The following FHIT variants were observed in gnomAD, a reference collection of about 807,000 sequenced individuals.
FHIT encodes the protein fragile histidine triad diadenosine triphosphatase.
FHIT carries 19 observed loss-of-function variants against 17.9 expected under a neutral mutation model. The ratio of observed to expected loss-of-function variants is 1.06; its 90% CI spans 0.74 to 1.56. FHIT has a LOEUF of 1.56. FHIT is among the 40% of genes most tolerant of loss of function. The pLI, the probability that FHIT is intolerant of heterozygous loss-of-function variation, is 0.00. For synonymous variants in FHIT, 81 were observed against 69.7 expected (o/e 1.16, Z -0.81); for missense variants, 248 against 189.2 (o/e 1.31, Z -1.82).
At chr3:60,921,246 C>A (rs1174715480) in intron 3 of FHIT, among the ~76,000 whole-genome samples, 1 of 152,152 alleles carries the variant, frequency 6.6e-6, no homozygotes, top group African/African-American at 2.4e-5. Flanking sequence ...CGTATTGAAC[C>A]ACTCCTTTCA....
chr3:60,673,702 A>T (rs1398200802), intron 4 of FHIT, among the ~76,000 whole-genome samples: 1 of 152,178 alleles, frequency 6.6e-6, no homozygotes, highest in Non-Finnish European at 1.5e-5. Context: ...ATTTAAATTT[A>T]AAAAAAGAAT....
intron 8 of FHIT, among the ~76,000 whole-genome samples, chr3:59,833,522 C>T (rs1701236999): frequency 1.3e-5 from 2 of 152,130 alleles, no homozygotes; most frequent in Non-Finnish European, 2.9e-5. Flanking sequence ...CTACCAACAC[C>T]ACAACTTCAG....
chr3:61,168,118 T>C (rs1020783778), intron 2 of FHIT, among the ~76,000 whole-genome samples: 4 of 152,228 alleles, frequency 2.6e-5, no homozygotes, highest in African/African-American at 4.8e-5. Context: ...AAAAGAATTA[T>C]GTTTCATGAC....
intron 8 of FHIT, among the ~76,000 whole-genome samples, chr3:59,785,120 T>C (rs1378918110): frequency 1.3e-5 from 2 of 152,070 alleles, no homozygotes; most frequent in East Asian, 1.9e-4. Context: ...GAGGATGGCA[T>C]CAAGGGGATT....
At chr3:59,956,081 G>T (rs1258386638) in intron 7 of FHIT, among the ~76,000 whole-genome samples, 2 of 152,206 alleles carry the variant, frequency 1.3e-5, no homozygotes, top group Admixed American at 6.5e-5. Flanking sequence ...TCATTTGGCT[G>T]CATTTCTACT....
At chr3:60,754,777 A>G (rs376164694) in intron 4 of FHIT, among the ~76,000 whole-genome samples, 2 of 152,306 alleles carry the variant, frequency 1.3e-5, no homozygotes, top group East Asian at 3.9e-4. Flanking sequence ...TTCTACACTC[A>G]TAGGCACACA....
chr3:60,560,754 G>A (rs1474928561), intron 4 of FHIT, among the ~76,000 whole-genome samples: 1 of 150,296 alleles, frequency 6.7e-6, no homozygotes, highest in Non-Finnish European at 1.5e-5. Flanking sequence ...TCCTCCACTG[G>A]CATGTTGTCA....
chr3:60,770,115 C>T (rs1412148423), intron 4 of FHIT, among the ~76,000 whole-genome samples: 2 of 152,124 alleles, frequency 1.3e-5, no homozygotes, highest in African/African-American at 4.8e-5. Flanking sequence ...CCTGCTACTG[C>T]CGTGTGCCAT....
At chr3:60,889,408 T>C (rs1384037259) in intron 3 of FHIT, among the ~76,000 whole-genome samples, 1 of 152,240 alleles carries the variant, frequency 6.6e-6, no homozygotes, top group African/African-American at 2.4e-5. Context: ...GAAAATTTTA[T>C]ATTCGATGCC....
At chr3:60,788,714 A>G (rs1389230429) in intron 4 of FHIT, among the ~76,000 whole-genome samples, 1 of 152,224 alleles carries the variant, frequency 6.6e-6, no homozygotes. Flanking sequence ...AGAATTGTTC[A>G]GTGTGGTGAC....
At chr3:61,213,066 G>C (rs557015867) in intron 1 of FHIT, among the ~76,000 whole-genome samples, 83 of 152,320 alleles carry the variant, frequency 5.4e-4, no homozygotes, top group African/African-American at 1.9e-3. Context: ...AAATTGTAAA[G>C]ACCATCAAGG....
chr3:60,245,504 C>T lies in FHIT; in HGVS notation c.104-231352G>A, dbSNP rs550785947. Among the ~76,000 whole-genome samples, 6 of 152,118 alleles carry T rather than the reference C, an allele frequency of 3.9e-5. 1 individual carries two copies. The South Asian group carries it at 1.0e-3, about 26-fold the overall frequency. ...CCAATAAGCTCATAAAGTTAATCAACCTTACCAACAAGTGACTAACTGAAC... is the reference window on the plus strand; with the variant it reads ...CCAATAAGCTCATAAAGTTAATCAATCTTACCAACAAGTGACTAACTGAAC... On this transcript the variant is annotated intron_variant, in intron 5 of 9. Coordinates refer to ENST00000492590, the MANE Select transcript of FHIT (RefSeq NM_002012.4).
chr3:59,892,706 T>G (rs61630074), intron 8 of FHIT, among the ~76,000 whole-genome samples: 3,584 of 152,272 alleles, frequency 0.024, 119 homozygotes, highest in African/African-American at 0.073. Flanking sequence ...AAAACAATCT[T>G]AATTAATGTT....
intron 8 of FHIT, among the ~76,000 whole-genome samples, chr3:59,831,247 T>C (rs1015539244): frequency 2.0e-5 from 3 of 152,162 alleles, no homozygotes; most frequent in African/African-American, 7.2e-5. Flanking sequence ...GATATAATTA[T>C]CATCAACATT....
intron 3 of FHIT, among the ~76,000 whole-genome samples, chr3:60,873,155 G>A (rs1553755462): frequency 6.6e-6 from 1 of 151,884 alleles, no homozygotes; most frequent in African/African-American, 2.4e-5. Flanking sequence ...GAGAGAGAGA[G>A]AGAGAGTGAG....
At chr3:60,317,791 T>C (rs923444576) in intron 5 of FHIT, among the ~76,000 whole-genome samples, 1 of 146,214 alleles carries the variant, frequency 6.8e-6, no homozygotes, top group Non-Finnish European at 1.5e-5. Context: ...TTTTCTTCTT[T>C]TTTTTTTTTT....
intron 7 of FHIT, among the ~76,000 whole-genome samples, chr3:59,944,263 T>C (rs920888215): frequency 6.6e-6 from 1 of 152,178 alleles, no homozygotes; most frequent in Non-Finnish European, 1.5e-5. Context: ...AATGCGTGTG[T>C]ATAGTTAGTT....
intron 5 of FHIT, among the ~76,000 whole-genome samples, chr3:60,164,733 T>C (rs910212783): frequency 7.9e-5 from 12 of 152,174 alleles, no homozygotes; most frequent in African/African-American, 2.7e-4. Context: ...TTGCCAGTGC[T>C]TTGCCAGTGT....
intron 8 of FHIT, among the ~76,000 whole-genome samples, chr3:59,898,462 G>A (rs1704175743): frequency 6.7e-6 from 1 of 148,996 alleles, no homozygotes. Flanking sequence ...GTGTGTGTGT[G>A]TGTGTGTGTG....
Sources: gnomAD v4.1 joint callset for allele counts (sites outside exome capture counted in the v4.1 genomes callset) on GRCh38, gnomAD v4.1.1 for gene constraint, MANE v1.5 for transcripts, NCBI Gene and HGNC (gene_info 2026-07-23, HGNC 2026-07-21) for gene names.